The following EYA2 variants were observed in gnomAD, a reference collection of about 807,000 sequenced individuals.
The protein encoded by EYA2 is EYA transcriptional coactivator and phosphatase 2.
In EYA2, 31 loss-of-function variants were observed where a neutral mutation model predicts 69.2. The observed-to-expected ratio is 0.45, with a 90% confidence interval of 0.34 to 0.60. The LOEUF is 0.60. Among genes scored for constraint, EYA2 ranks in the 20% least tolerant of loss-of-function variants. The pLI is 0.02. For synonymous variants in EYA2, 257 were observed against 279.4 expected (o/e 0.92, Z 0.80); for missense variants, 622 against 701.2 (o/e 0.89, Z 1.28).
intron 9 of EYA2, among the ~76,000 whole-genome samples, chr20:47,098,182 G>A (rs1285832928): frequency 6.6e-6 from 1 of 152,172 alleles, no homozygotes; most frequent in Admixed American, 6.5e-5. Flanking sequence ...TTGCCGTGTA[G>A]GAATGCCGTT....
chr20:47,028,129 G>A (rs1984201001), intron 5 of EYA2, among the ~76,000 whole-genome samples: 1 of 152,156 alleles, frequency 6.6e-6, no homozygotes, highest in South Asian at 2.1e-4. Context: ...CTCCCTGAAT[G>A]CACATACTGA....
chr20:47,179,755 C>A, intron 12 of EYA2, 43 bp from the exon 13 acceptor site: 1 of 1,424,352 alleles, frequency 7.0e-7, no homozygotes, highest in Non-Finnish European at 9.8e-7. Context: ...TCCCCCAGAT[C>A]TTTCTAATAC....
chr20:47,170,340 C>T (rs968856456), intron 11 of EYA2, among the ~76,000 whole-genome samples: 2 of 152,050 alleles, frequency 1.3e-5, no homozygotes, highest in African/African-American at 4.8e-5. Context: ...TCAGGTAACC[C>T]ATTGCTTAAT....
At chr20:47,068,984 A>G (rs1365522157) in intron 5 of EYA2, among the ~76,000 whole-genome samples, 1 of 152,196 alleles carries the variant, frequency 6.6e-6, no homozygotes, top group African/African-American at 2.4e-5. Context: ...ATGCCCCTTC[A>G]GCAGATGCAA....
chr20:46,990,695 T>G (rs971451585), intron 2 of EYA2, among the ~76,000 whole-genome samples: 3 of 152,260 alleles, frequency 2.0e-5, no homozygotes, highest in Non-Finnish European at 2.9e-5. Context: ...TCTGTCAGCC[T>G]TCCTGGTAGA....
At position 47,183,412 on chromosome 20, in the gene EYA2, A is replaced by G. The variant is rs777565028; in HGVS notation, c.1536+21A>G. ...AAAAGGTACTTCTTCCACCTCTCAG[A>G]CTGCGTTTTCCTGCTCTTTCGAGCA... On this transcript the variant is annotated intron_variant, in intron 15 of 15. Coordinates refer to ENST00000327619, the MANE Select transcript of EYA2 (RefSeq NM_005244.5). 3.7e-6 allele frequency: 6 copies of G among 1,611,120 alleles called. No individual in the cohort carries two copies. The South Asian group carries it at 5.5e-5, about 15-fold the overall frequency.
At chr20:47,098,428 C>T in intron 9 of EYA2, among the ~76,000 whole-genome samples, 1 of 152,250 alleles carries the variant, frequency 6.6e-6, no homozygotes, top group East Asian at 1.9e-4. Flanking sequence ...GACACAGGCA[C>T]TCACTCATCT....
chr20:47,142,938 C>T (rs762222508), intron 9 of EYA2, 121 bp from the exon 10 acceptor site: 16 of 667,046 alleles, frequency 2.4e-5, no homozygotes, highest in Non-Finnish European at 3.7e-5. Flanking sequence ...TTAGGCCACG[C>T]GTGAGCCGAG....
chr20:47,120,336 A>C (rs896209855), intron 9 of EYA2, among the ~76,000 whole-genome samples: 9 of 152,090 alleles, frequency 5.9e-5, no homozygotes, highest in Non-Finnish European at 1.3e-4. Flanking sequence ...TGATCGCACC[A>C]CTGCACTCCA....
intron 4 of EYA2, among the ~76,000 whole-genome samples, chr20:47,014,060 A>T (rs1983250947): frequency 6.6e-6 from 1 of 152,160 alleles, no homozygotes; most frequent in Admixed American, 6.5e-5. Context: ...TGTGGGATTG[A>T]TGTGAGGATA....
intron 4 of EYA2, among the ~76,000 whole-genome samples, chr20:47,012,985 G>A (rs1016292106): frequency 6.6e-6 from 1 of 152,206 alleles, no homozygotes; most frequent in Non-Finnish European, 1.5e-5. Context: ...GCCCTCGTGC[G>A]CCTTTGCCAT....
intron 1 of EYA2, among the ~76,000 whole-genome samples, chr20:46,949,670 GC>G (rs1334436055): frequency 2.0e-5 from 3 of 152,230 alleles, no homozygotes; most frequent in African/African-American, 7.2e-5. Context: ...CATAGTAGGT[GC>G]TCACCAAATA....
intron 10 of EYA2, among the ~76,000 whole-genome samples, chr20:47,160,516 A>C (rs2034043603): frequency 1.3e-5 from 2 of 151,880 alleles, no homozygotes; most frequent in African/African-American, 4.8e-5. Context: ...GCAGTGGAGG[A>C]GGTGAGAATG....
rs1981965202 is a variant in EYA2 at position 46,995,600 on chromosome 20, A to T, written c.109+5481A>T. On this transcript the variant is annotated intron_variant, in intron 2 of 15. Coordinates refer to ENST00000327619, the MANE Select transcript of EYA2 (RefSeq NM_005244.5). ...AGATGAACTGATACAGTTTACAGAC[A>T]TTTACCTTTATAGCAGAGACCTGCC... 3.9e-5 allele frequency among the ~76,000 whole-genome samples: 6 copies of T among 152,302 alleles called. No individual in the cohort carries two copies. The South Asian group carries it at 1.2e-3, about 32-fold the overall frequency.
intron 1 of EYA2, among the ~76,000 whole-genome samples, chr20:46,983,082 C>T (rs1391017621): frequency 1.3e-5 from 2 of 152,110 alleles, no homozygotes; most frequent in Non-Finnish European, 2.9e-5. Flanking sequence ...CAGTAATTTC[C>T]ATTTTTAAAG....
chr20:47,032,292 T>C (rs1384514843), intron 5 of EYA2, among the ~76,000 whole-genome samples: 1 of 152,228 alleles, frequency 6.6e-6, no homozygotes, highest in Non-Finnish European at 1.5e-5. Flanking sequence ...AGGGAATTCC[T>C]GATTTTTGTA....
At position 46,990,032 on chromosome 20, in the gene EYA2, C is replaced by G; in HGVS notation, c.22C>G (p.Pro8Ala). The change falls in exon 2 of 16, where the codon CCC (proline) becomes GCC (alanine). Residue 8 changes from proline to alanine, a missense_variant. This residue lies in a region of EYA2 where 365 missense variants were observed against 349.7 expected (regional missense o/e 1.04). Transcript: ENST00000327619. MVELVIS[P>A]SLTVNSDCLD... is the part of the protein sequence containing the mutation. ...GGAAATGGTAGAACTAGTGATCTCA[C>G]CCAGCCTCACTGTAAACAGCGATTG... 1 of 1,606,346 alleles carries G rather than the reference C, an allele frequency of 6.2e-7. No individual in the cohort carries two copies. Among genetic ancestry groups the G allele is most frequent in the Non-Finnish European group, 8.5e-7 (1 of 1,172,956 alleles).
chr20:47,177,050 G>A (rs985029288), intron 12 of EYA2, among the ~76,000 whole-genome samples: 7 of 151,956 alleles, frequency 4.6e-5, no homozygotes, highest in Admixed American at 2.6e-4. Flanking sequence ...TGCCCGCCTC[G>A]GCCTCCAAAA....
intron 10 of EYA2, among the ~76,000 whole-genome samples, chr20:47,152,936 AG>A (rs148615154): frequency 0.017 from 2,594 of 151,600 alleles, 70 homozygotes; most frequent in African/African-American, 0.059. Flanking sequence ...CTGTCTCAAA[AG>A]AAAAAAAAAA....
Sources: allele counts gnomAD v4.1 joint callset (sites outside exome capture counted in the v4.1 genomes callset), GRCh38; gene constraint gnomAD v4.1.1; regional missense constraint gnomAD v4.1.1; transcripts MANE v1.5; gene names NCBI Gene and HGNC (gene_info 2026-07-23, HGNC 2026-07-21).